PPARG: variants seen among roughly 807,000 people sequenced by gnomAD.
PPARG encodes peroxisome proliferator activated receptor gamma.
Under a neutral mutation model 39.2 loss-of-function variants are expected in PPARG, and 17 were observed. The ratio of observed to expected loss-of-function variants is 0.43; its 90% CI spans 0.30 to 0.65. PPARG has a LOEUF of 0.65. Ranked by LOEUF, PPARG falls within the 30% of genes least tolerant of loss-of-function variation. The pLI is 0.13. For missense variants in PPARG, 406 were observed against 585.9 expected, an observed-to-expected ratio of 0.69 and a Z score of 3.17; for synonymous variants, 223 against 215.7, an observed-to-expected ratio of 1.03 and a Z score of -0.30.
At chr3:12,396,761 A>C (rs979314302) in intron 5 of PPARG, among the ~76,000 whole-genome samples, 1 of 151,388 alleles carries the variant, frequency 6.6e-6, no homozygotes. Flanking sequence ...CAGTCTCAAA[A>C]AAAAAAAAAA....
chr3:12,342,396 C>T (rs577431398), intron 2 of PPARG, among the ~76,000 whole-genome samples: 2 of 152,236 alleles, frequency 1.3e-5, no homozygotes, highest in South Asian at 2.1e-4. Context: ...TTTCATCATA[C>T]TGGATTAGAT....
chr3:12,378,007 A>G (rs866542319), intron 2 of PPARG, among the ~76,000 whole-genome samples: 4 of 152,224 alleles, frequency 2.6e-5, no homozygotes, highest in Non-Finnish European at 5.9e-5. Context: ...GCCAACAGAT[A>G]TATGAAAAGG....
At chr3:12,328,615 ACT>A (rs1195973866) in intron 2 of PPARG, among the ~76,000 whole-genome samples, 1 of 152,090 alleles carries the variant, frequency 6.6e-6, no homozygotes, top group Non-Finnish European at 1.5e-5. Flanking sequence ...CATCTGTCCC[ACT>A]CTGCTAAGCC....
At position 12,351,607 on chromosome 3, in the gene PPARG, G is replaced by A. The variant is rs760515031; in HGVS notation, c.-8-28097G>A. On this transcript the variant is annotated intron_variant, in intron 2 of 7. Transcript: ENST00000651735. Reference sequence around the variant, plus strand: ...TCCATGCTGTTATGGGTGAAACTCTGGGAGATTCTCCTATTGACCCAGAAA... The same window carrying A: ...TCCATGCTGTTATGGGTGAAACTCTAGGAGATTCTCCTATTGACCCAGAAA... The A allele has an allele frequency of 1.9e-6, 3 of 1,608,332 alleles. No individual in the cohort carries two copies. The East Asian group carries it at 6.7e-5, about 36-fold the overall frequency.
At chr3:12,409,247 C>T (rs1302251050) in intron 6 of PPARG, among the ~76,000 whole-genome samples, 1 of 152,198 alleles carries the variant, frequency 6.6e-6, no homozygotes, top group Admixed American at 6.5e-5. Context: ...CATTGATGAT[C>T]TGGATTCAGG....
chr3:12,341,051 C>T (rs1322170473), intron 2 of PPARG, among the ~76,000 whole-genome samples: 2 of 152,064 alleles, frequency 1.3e-5, no homozygotes, highest in African/African-American at 4.8e-5. Context: ...GGCATGGTGG[C>T]ACATGCCTGT....
At chr3:12,418,553 T>C (rs985899139) in intron 7 of PPARG, among the ~76,000 whole-genome samples, 3 of 152,228 alleles carry the variant, frequency 2.0e-5, no homozygotes, top group African/African-American at 4.8e-5. Flanking sequence ...GCAGTAGTCA[T>C]AAGAATAGCA....
chr3:12,307,344 A>G lies in PPARG; in HGVS notation c.-82-5036A>G, dbSNP rs545640115. 5.3e-5 allele frequency among the ~76,000 whole-genome samples: 8 copies of G among 152,238 alleles called. No homozygotes were observed. In the South Asian group the frequency reaches 1.7e-3, roughly 32 times the overall value. On this transcript the variant is annotated intron_variant, in intron 1 of 7. Coordinates refer to ENST00000651735, the MANE Select transcript of PPARG (RefSeq NM_138711.6). ...GGTTAGGGGACAGATCCGTGTATTT[A>G]CTTGCATAGGACAAAAATTAGTCAT...
At chr3:12,373,971 G>A (rs1254969797) in intron 2 of PPARG, among the ~76,000 whole-genome samples, 3 of 152,154 alleles carry the variant, frequency 2.0e-5, no homozygotes, top group Admixed American at 2.0e-4. Context: ...ATGACTAAAA[G>A]AGGCAGGGCA....
chr3:12,399,600 GAAA>G (rs1404570741), intron 5 of PPARG: 1 of 106,092 alleles, frequency 9.4e-6, no homozygotes, highest in Non-Finnish European at 1.9e-5. Flanking sequence ...AAAAAAAAAA[GAAA>G]GAAAGAAAGA....
At position 12,295,951 on chromosome 3, in the gene PPARG, T is replaced by A. The variant is rs910349222; in HGVS notation, c.-83+6817T>A. ...GCACAATTCTTAGTAGGCACTTAAA[T>A]GTTTTAGAAAGAAGAAAGAGCTGGT... is the stretch of plus-strand genomic sequence containing the variant. On this transcript the variant is annotated intron_variant, in intron 1 of 7. Transcript: ENST00000651735. 8.2e-4 allele frequency among the ~76,000 whole-genome samples: 124 copies of A among 152,124 alleles called. 1 individual carries two copies. The highest frequency in any genetic ancestry group is 1.5e-3 in the Non-Finnish European group (103 of 67,970).
At chr3:12,341,053 C>T (rs1483062099) in intron 2 of PPARG, among the ~76,000 whole-genome samples, 1 of 152,072 alleles carries the variant, frequency 6.6e-6, no homozygotes, top group African/African-American at 2.4e-5. Flanking sequence ...CATGGTGGCA[C>T]ATGCCTGTAG....
intron 6 of PPARG, among the ~76,000 whole-genome samples, chr3:12,409,505 A>G (rs754703931): frequency 4.6e-5 from 7 of 152,124 alleles, no homozygotes; most frequent in African/African-American, 9.7e-5. Context: ...GATAGCATCT[A>G]TCTCAGGGGT....
At chr3:12,310,863 C>T (rs1262993657) in intron 1 of PPARG, among the ~76,000 whole-genome samples, 2 of 141,226 alleles carry the variant, frequency 1.4e-5, no homozygotes, top group Non-Finnish European at 3.0e-5. Context: ...TGTTTCTCAT[C>T]TCTCATGTGT....
intron 5 of PPARG, among the ~76,000 whole-genome samples, chr3:12,395,030 T>C (rs1180900690): frequency 6.6e-6 from 1 of 152,216 alleles, no homozygotes; most frequent in Non-Finnish European, 1.5e-5. Flanking sequence ...TTGATGAATG[T>C]AGCTTCCCCT....
chr3:12,413,672 T>A (rs2050959555), intron 6 of PPARG, among the ~76,000 whole-genome samples: 1 of 151,252 alleles, frequency 6.6e-6, no homozygotes, highest in African/African-American at 2.4e-5. Flanking sequence ...TTAAAAAAAA[T>A]TGCCGGGCGT....
intron 5 of PPARG, among the ~76,000 whole-genome samples, chr3:12,398,644 G>T (rs545013979): frequency 2.6e-5 from 4 of 152,258 alleles, no homozygotes; most frequent in African/African-American, 9.6e-5. Context: ...GAGATCTGGA[G>T]AGCAGCTGGC....
At chr3:12,289,679 A>C (rs2046600282) in intron 1 of PPARG, among the ~76,000 whole-genome samples, 3 of 152,186 alleles carry the variant, frequency 2.0e-5, no homozygotes, top group Non-Finnish European at 4.4e-5. Flanking sequence ...GAACAGAACC[A>C]ACTGATGGTG....
intron 2 of PPARG, among the ~76,000 whole-genome samples, chr3:12,362,001 G>A (rs1320133103): frequency 6.6e-6 from 1 of 151,842 alleles, no homozygotes; most frequent in African/African-American, 2.4e-5. Context: ...TTTTTAAATA[G>A]TATATTTGAG....
Sources: gnomAD v4.1 joint callset for allele counts (sites outside exome capture counted in the v4.1 genomes callset) on GRCh38, gnomAD v4.1.1 for gene constraint, MANE v1.5 for transcripts, NCBI Gene and HGNC (gene_info 2026-07-23, HGNC 2026-07-21) for gene names.